Variants in TTC17 observed in about 807,000 individuals in gnomAD.
TTC17 encodes the protein tetratricopeptide repeat protein 17.
Under a neutral mutation model 143.8 loss-of-function variants are expected in TTC17, and 58 were observed. The observed-to-expected ratio is 0.40, with a 90% CI of 0.33 to 0.50. The LOEUF (loss-of-function observed/expected upper bound fraction) is 0.50. TTC17 is among the 20% of genes least tolerant of loss of function. The pLI is 0.49. For missense variants in TTC17, 1,273 were observed against 1,392.5 expected, an observed-to-expected ratio of 0.91 and a Z score of 1.37; for synonymous variants, 501 against 497.8, an observed-to-expected ratio of 1.01 and a Z score of -0.09.
chr11:43,372,783 G>T (rs561287801), intron 1 of TTC17, among the ~76,000 whole-genome samples: 1 of 151,970 alleles, frequency 6.6e-6, no homozygotes, highest in African/African-American at 2.4e-5. Flanking sequence ...GAGCCACTGC[G>T]CCCAGCCAAA....
intron 21 of TTC17, among the ~76,000 whole-genome samples, chr11:43,460,771 G>A (rs1226606787): frequency 6.6e-6 from 1 of 152,156 alleles, no homozygotes; most frequent in Non-Finnish European, 1.5e-5. Context: ...CAACTGGGGT[G>A]GCTGCATTAG....
intron 16 of TTC17, among the ~76,000 whole-genome samples, chr11:43,441,120 A>G (rs927731829): frequency 6.6e-6 from 1 of 151,466 alleles, no homozygotes; most frequent in Non-Finnish European, 1.5e-5. Context: ...AATACAAAAA[A>G]AGTAGCCAGG....
chr11:43,401,549 C>T lies in TTC17; in HGVS notation c.1323C>T (p.Asp441=), dbSNP rs372284182. 1 of 1,608,692 alleles carries T rather than the reference C, an allele frequency of 6.2e-7. No homozygotes were observed. The highest frequency in any genetic ancestry group is 1.3e-5 in the African/African-American group (1 of 74,734). The change falls in exon 10 of 24, where the codon GAC becomes GAT. Residue 441 remains aspartate, a synonymous_variant. Transcript: ENST00000039989. The part of the protein sequence containing the change: ...YHRGDIFENV[D]YVQFGEDSST... ...GTGGAGATATCTTTGAAAATGTGGA[C>T]TATGTTCAGGTCTTTTTCTTGGTCC... is the stretch of plus-strand genomic sequence containing the variant.
intron 1 of TTC17, among the ~76,000 whole-genome samples, chr11:43,376,722 C>G (rs1031926541): frequency 6.6e-6 from 1 of 152,198 alleles, no homozygotes; most frequent in African/African-American, 2.4e-5. Flanking sequence ...GACATCGACT[C>G]ATAGTGGGCC....
chr11:43,405,483 A>G (rs997137949), intron 11 of TTC17, 31 bp from the exon 12 acceptor site: 2 of 1,547,828 alleles, frequency 1.3e-6, no homozygotes, highest in African/African-American at 1.4e-5. Context: ...GAATCCAAAG[A>G]AATTTATGAG....
At chr11:43,372,502 ATTTATTTATTT>A (rs1856607337) in intron 1 of TTC17, among the ~76,000 whole-genome samples, 1 of 148,736 alleles carries the variant, frequency 6.7e-6, no homozygotes, top group South Asian at 2.1e-4. Context: ...TTATTTATTT[ATTTATTTATTT>A]ATTTTTGAGA....
intron 21 of TTC17, among the ~76,000 whole-genome samples, chr11:43,462,502 A>T (rs1053649580): frequency 6.6e-6 from 1 of 152,168 alleles, no homozygotes; most frequent in East Asian, 1.9e-4. Flanking sequence ...CAGAAGAGGG[A>T]AGTAACAGAT....
chr11:43,397,537 CT>C (rs376723044), intron 7 of TTC17, 46 bp downstream of exon 7: 90,371 of 1,176,136 alleles, frequency 0.077, no homozygotes, highest in East Asian at 0.17. Flanking sequence ...TTGCCACTTT[CT>C]TTTTTTTTTT....
intron 22 of TTC17, chr11:43,490,891 C>T (rs1008207222): frequency 7.0e-6 from 1 of 142,672 alleles, no homozygotes; most frequent in Non-Finnish European, 1.5e-5. Flanking sequence ...AACCGGCTAA[C>T]CCTGTGTGAC....
At chr11:43,397,201 G>T in intron 6 of TTC17, 146 bp from the exon 7 acceptor site, 5 of 864,366 alleles carry the variant, frequency 5.8e-6, no homozygotes, top group Non-Finnish European at 8.6e-6. Context: ...CAGATTAAGA[G>T]CCATCAATAA....
chr11:43,442,271 A>C (rs555853722), intron 16 of TTC17, among the ~76,000 whole-genome samples: 1 of 152,238 alleles, frequency 6.6e-6, no homozygotes, highest in African/African-American at 2.4e-5. Flanking sequence ...TATGTGGTGC[A>C]TGGCTATAAT....
chr11:43,379,268 C>T lies in TTC17; in HGVS notation c.195C>T (p.Asp65=). Residue 65 remains aspartate (D), a synonymous_variant, in exon 2 of 24, where the codon GAC becomes GAT. Transcript: ENST00000039989. ...CAATGAACTTGAAGCATCCTCATGA[C>T]CTAGTCATATTAATGAGACAAGAAG... is the stretch of plus-strand genomic sequence containing the variant. The part of the protein sequence containing the change: ...DSPMNLKHPH[D]LVILMRQEAT... 1.2e-6 allele frequency: 2 copies of T among 1,612,510 alleles called. No homozygotes were observed. Among genetic ancestry groups the T allele is most frequent in the Non-Finnish European group, 1.7e-6 (2 of 1,179,494 alleles).
At chr11:43,456,408 T>G (rs1947765194) in intron 21 of TTC17, among the ~76,000 whole-genome samples, 1 of 152,044 alleles carries the variant, frequency 6.6e-6, no homozygotes, top group Non-Finnish European at 1.5e-5. Context: ...AAAGAATCCA[T>G]GGAAAAGCAA....
chr11:43,432,137 G>C lies in TTC17; in HGVS notation c.2252-11188G>C, dbSNP rs914185259. 5.1e-4 allele frequency among the ~76,000 whole-genome samples: 78 copies of C among 152,314 alleles called. 1 individual carries two copies. Among genetic ancestry groups the C allele is most frequent in the Middle Eastern group, 3.4e-3 (1 of 294 alleles). ...CTAGCAATTTGTAAACAATTAAGAT[G>C]AGAAGATAGGAGATCCTGAGAACTT... On this transcript the variant is annotated intron_variant, in intron 16 of 23. Coordinates refer to ENST00000039989, the MANE Select transcript of TTC17 (RefSeq NM_018259.6).
At chr11:43,386,252 A>G (rs1347741850) in intron 2 of TTC17, among the ~76,000 whole-genome samples, 2 of 152,194 alleles carry the variant, frequency 1.3e-5, no homozygotes, top group Non-Finnish European at 2.9e-5. Context: ...ATTGATAGTC[A>G]TGCATTGCTT....
intron 1 of TTC17, among the ~76,000 whole-genome samples, chr11:43,378,448 G>C (rs765471358): frequency 7.2e-5 from 11 of 152,034 alleles, no homozygotes; most frequent in Non-Finnish European, 1.2e-4. Context: ...TTGGACAGTG[G>C]GTCTCTCTGT....
intron 1 of TTC17, among the ~76,000 whole-genome samples, chr11:43,368,161 G>T (rs1194427050): frequency 2.6e-5 from 4 of 152,018 alleles, no homozygotes; most frequent in Non-Finnish European, 5.9e-5. Context: ...TTTTCTTGAT[G>T]AGTCTTAGGT....
chr11:43,448,228 A>T, intron 19 of TTC17, 106 bp downstream of exon 19: 1 of 1,472,954 alleles, frequency 6.8e-7, no homozygotes. Context: ...TATCCTTTCT[A>T]GAGCTGAATT....
At chr11:43,472,540 A>G (rs1245341800) in intron 21 of TTC17, among the ~76,000 whole-genome samples, 3 of 152,214 alleles carry the variant, frequency 2.0e-5, no homozygotes, top group Admixed American at 1.3e-4. Context: ...TTTAAGTTCT[A>G]TAACAAATAT....
Sources: allele counts gnomAD v4.1 joint callset (sites outside exome capture counted in the v4.1 genomes callset), GRCh38; gene constraint gnomAD v4.1.1; transcripts MANE v1.5; gene names NCBI Gene and HGNC (gene_info 2026-07-23, HGNC 2026-07-21).